ERP27: variants seen among roughly 807,000 people sequenced by gnomAD.
ERP27 encodes endoplasmic reticulum protein 27, also known as endoplasmic reticulum resident protein 27.
Under a neutral mutation model 27.7 loss-of-function variants are expected in ERP27, and 23 were observed. That is an observed-to-expected ratio of 0.83 (90% CI 0.60 to 1.18). The LOEUF (loss-of-function observed/expected upper bound fraction) is 1.18. Among genes scored for constraint, ERP27 ranks in the 50% most tolerant of loss-of-function variants. The probability of loss-of-function intolerance (pLI) is 0.00; values close to 1 mark genes in which losing one functional copy is unlikely to be tolerated. For synonymous variants in ERP27, 159 were observed against 118.3 expected (o/e 1.34, Z -2.23); for missense variants, 363 against 327.9 (o/e 1.11, Z -0.83).
chr12:14,928,982 G>T, intron 3 of ERP27: 1 of 1,535,246 alleles, frequency 6.5e-7, no homozygotes, highest in South Asian at 1.2e-5. Flanking sequence ...CATACTTAAG[G>T]CTTTGCTATT....
chr12:14,915,941 T>A (rs1333562428), intron 5 of ERP27: 1 of 314,854 alleles, frequency 3.2e-6, no homozygotes, highest in Non-Finnish European at 6.0e-6. Flanking sequence ...TATCACATGT[T>A]CCCACTTCTA....
At chr12:14,921,223 A>G (rs1863498781) in intron 3 of ERP27, among the ~76,000 whole-genome samples, 175 bp from the exon 4 acceptor site, 1 of 152,198 alleles carries the variant, frequency 6.6e-6, no homozygotes, top group South Asian at 2.1e-4. Flanking sequence ...AAAAAAGTGA[A>G]GAGAAATTTC....
At chr12:14,915,417 A>G in intron 6 of ERP27, 72 bp downstream of exon 6, 1 of 1,533,160 alleles carries the variant, frequency 6.5e-7, no homozygotes, top group Middle Eastern at 1.7e-4. Flanking sequence ...AGCCCAAAGA[A>G]TTCTTATTCA....
chr12:14,928,588 T>G (rs1222925643), intron 3 of ERP27, among the ~76,000 whole-genome samples: 1 of 152,374 alleles, frequency 6.6e-6, no homozygotes, highest in East Asian at 1.9e-4. Context: ...TAAGCACTCT[T>G]TATTTTGGGA....
At chr12:14,933,705 A>G (rs1297746998) in intron 3 of ERP27, among the ~76,000 whole-genome samples, 1 of 152,208 alleles carries the variant, frequency 6.6e-6, no homozygotes. Flanking sequence ...CTCAATGACC[A>G]ATGAAAGCAT....
intron 3 of ERP27, chr12:14,928,912 C>T (rs1334964926): frequency 1.3e-6 from 2 of 1,525,624 alleles, no homozygotes; most frequent in Admixed American, 3.9e-5. Context: ...ATAATATTTG[C>T]AGCTCCTCTA....
At chr12:14,919,095 G>A (rs1863458409) in intron 4 of ERP27, among the ~76,000 whole-genome samples, 1 of 152,180 alleles carries the variant, frequency 6.6e-6, no homozygotes, top group African/African-American at 2.4e-5. Flanking sequence ...TCAGGTGCAT[G>A]GCTGGGATTT....
intron 1 of ERP27, 144 bp downstream of exon 1, chr12:14,938,271 C>G (rs751905883): frequency 2.4e-6 from 2 of 827,936 alleles, no homozygotes; most frequent in Non-Finnish European, 3.7e-6. Context: ...TCCCTACTCT[C>G]TACCAGGCAA....
chr12:14,933,762 T>A (rs1863732723), intron 3 of ERP27, among the ~76,000 whole-genome samples: 1 of 152,216 alleles, frequency 6.6e-6, no homozygotes, highest in Non-Finnish European at 1.5e-5. Flanking sequence ...TTAGACACCC[T>A]GGCTTTAAGC....
intron 3 of ERP27, among the ~76,000 whole-genome samples, chr12:14,927,331 G>T (rs1283134562): frequency 6.6e-6 from 1 of 151,758 alleles, no homozygotes; most frequent in Non-Finnish European, 1.5e-5. Flanking sequence ...GTGCGTGTGT[G>T]CATGTGTGTG....
At chr12:14,929,986 AG>A (rs2120605374) in intron 3 of ERP27, among the ~76,000 whole-genome samples, 1 of 147,612 alleles carries the variant, frequency 6.8e-6, no homozygotes, top group East Asian at 2.1e-4. Context: ...GGACACAGGT[AG>A]GGGAACATCA....
intron 3 of ERP27, among the ~76,000 whole-genome samples, chr12:14,923,364 T>C (rs569531445): frequency 1.3e-5 from 2 of 151,638 alleles, no homozygotes; most frequent in Non-Finnish European, 2.9e-5. Context: ...CATTATCTTA[T>C]TAAAAAAATC....
At chr12:14,923,491 C>CT (rs59819789) in intron 3 of ERP27, among the ~76,000 whole-genome samples, 51,118 of 126,950 alleles carry the variant, frequency 0.4, 8,968 homozygotes, top group East Asian at 0.53. Flanking sequence ...TATCTATAAT[C>CT]AATCTATCTA....
intron 3 of ERP27, among the ~76,000 whole-genome samples, chr12:14,929,718 C>G (rs1056585130): frequency 1.3e-5 from 2 of 152,050 alleles, no homozygotes; most frequent in Non-Finnish European, 2.9e-5. Flanking sequence ...CTACATCATA[C>G]CAATCACTCA....
chr12:14,937,836 T>C lies in ERP27; in HGVS notation c.195+116A>G, dbSNP rs1276211722. On this transcript the variant is annotated intron_variant, in intron 2 of 6. Coordinates refer to ENST00000266397, the MANE Select transcript of ERP27 (RefSeq NM_152321.4). ...AAGATGAAATCAAACTGGGTGGCTG[T>C]CTCCCTTTACCCCCACTTCTAATGC... 3 of 748,020 alleles carry C rather than the reference T, an allele frequency of 4.0e-6. No homozygotes were observed. In the African/African-American group the frequency reaches 5.2e-5, roughly 13 times the overall value. 46.3% of individuals were successfully genotyped at this position (748,020 alleles called of 1,614,324 possible).
intron 2 of ERP27, 95 bp downstream of exon 2, chr12:14,937,856 TA>T: frequency 1.0e-6 from 1 of 976,262 alleles, no homozygotes; most frequent in Non-Finnish European, 1.6e-6. Context: ...CCCCCACTTC[TA>T]ATGCAGTGCC....
At chr12:14,914,955 T>C (rs1009519617) in intron 6 of ERP27, among the ~76,000 whole-genome samples, 173 bp from the exon 7 acceptor site, 3 of 151,094 alleles carry the variant, frequency 2.0e-5, no homozygotes, top group African/African-American at 4.9e-5. Context: ...CCTCTGAATA[T>C]GCAAGGCCTT....
At chr12:14,930,489 C>G (rs1863681835) in intron 3 of ERP27, among the ~76,000 whole-genome samples, 1 of 152,192 alleles carries the variant, frequency 6.6e-6, no homozygotes, top group Non-Finnish European at 1.5e-5. Flanking sequence ...AGGACAGGCT[C>G]ATAGTTTATT....
rs1395107718 is a variant in ERP27, at chr12:14,914,760, C to A, written c.797G>T (p.Gly266Val). Residue 266 changes from glycine (G) to valine (V), a missense_variant, in exon 7 of 7, where the codon GGA becomes GTA. Transcript: ENST00000266397. ...KLLKENRESE[G>V]KTPKVEL ...TCAGAGTTCCACCTTTGGAGTCTTT[C>A]CTTCTGATTCACGATTTTCTTTCTG... 6.2e-7 allele frequency: 1 copy of A among 1,613,664 alleles called. No individual in the cohort carries two copies. Among genetic ancestry groups the A allele is most frequent in the South Asian group, 1.1e-5 (1 of 91,030 alleles).
Sources: gnomAD v4.1 joint callset for allele counts (sites outside exome capture counted in the v4.1 genomes callset) on GRCh38, gnomAD v4.1.1 for gene constraint, MANE v1.5 for transcripts, NCBI Gene and HGNC (gene_info 2026-07-23, HGNC 2026-07-21) for gene names.